The following RNLS variants were observed in gnomAD, a reference collection of about 807,000 sequenced individuals.
RNLS encodes the protein renalase, FAD dependent amine oxidase, also known as renalase.
Under a neutral mutation model 39.8 loss-of-function variants are expected in RNLS, and 39 were observed. That is an observed-to-expected ratio of 0.98 (90% CI 0.76 to 1.28). The LOEUF (loss-of-function observed/expected upper bound fraction) is 1.28, where lower values mean the gene tolerates loss of function less well. Among genes scored for constraint, RNLS ranks in the 50% most tolerant of loss-of-function variants. The pLI is 0.00. For synonymous variants in RNLS, 147 were observed against 150.7 expected (o/e 0.98, Z 0.18); for missense variants, 410 against 413.3 (o/e 0.99, Z 0.07).
chr10:88,454,121 G>C (rs1237002046), intron 4 of RNLS, among the ~76,000 whole-genome samples: 1 of 152,182 alleles, frequency 6.6e-6, no homozygotes, highest in East Asian at 1.9e-4. Flanking sequence ...ACACTTATGG[G>C]CTGAAAAGAG....
chr10:88,575,124 GTATATATATATATATATATATATATA>G (rs1174268534), intron 3 of RNLS, among the ~76,000 whole-genome samples: 3 of 98,902 alleles, frequency 3.0e-5, no homozygotes, highest in African/African-American at 1.2e-4. Context: ...GTTCTGCAAA[GTATATATATATATATATATATATATA>G]TATATATATA....
the RNLS span, among the ~76,000 whole-genome samples, chr10:88,181,451 T>C: frequency 2.6e-5 from 4 of 152,188 alleles, no homozygotes; most frequent in East Asian, 7.7e-4. Context: ...TTTAATATAA[T>C]ACATTTGTGC....
intron 5 of RNLS, among the ~76,000 whole-genome samples, chr10:88,315,680 AAG>A (rs1029532573): frequency 2.4e-4 from 36 of 152,104 alleles, no homozygotes; most frequent in African/African-American, 8.2e-4. Flanking sequence ...ACAGGAAAGA[AAG>A]AGTTGACATA....
chr10:88,329,639 A>G (rs1846935363), intron 5 of RNLS, among the ~76,000 whole-genome samples: 1 of 151,970 alleles, frequency 6.6e-6, no homozygotes, highest in Admixed American at 6.6e-5. Flanking sequence ...TTAGGGATAT[A>G]CTAGATATTC....
chr10:88,279,828 G>A (rs1381639210), downstream of RNLS, among the ~76,000 whole-genome samples: 2 of 152,128 alleles, frequency 1.3e-5, no homozygotes, highest in African/African-American at 4.8e-5. Context: ...CTACATTAGA[G>A]CAAACCACCT....
At chr10:88,488,276 G>A (rs1844664858) in intron 4 of RNLS, among the ~76,000 whole-genome samples, 1 of 152,110 alleles carries the variant, frequency 6.6e-6, no homozygotes, top group African/African-American at 2.4e-5. Flanking sequence ...GCTGGGCATG[G>A]TGGCTTACAC....
intron 4 of RNLS, among the ~76,000 whole-genome samples, chr10:88,541,376 A>T (rs989435891): frequency 1.3e-5 from 2 of 152,210 alleles, no homozygotes; most frequent in African/African-American, 4.8e-5. Context: ...TCACAATGAA[A>T]ACAGATACTT....
At chr10:88,241,934 C>T in the RNLS span, among the ~76,000 whole-genome samples, 6 of 152,222 alleles carry the variant, frequency 3.9e-5, no homozygotes, top group Admixed American at 2.6e-4. Flanking sequence ...TCTGTAATTA[C>T]TTCCTTCTCT....
Position 88,582,261 on chromosome 10 carries a change from T to C in RNLS, c.165A>G (p.Thr55=), listed in dbSNP as rs1850628795. The change falls in exon 2 of 7, where the codon ACA becomes ACG. Residue 55 remains threonine (T), a synonymous_variant. Transcript: ENST00000331772. The stretch of plus-strand genomic sequence containing the variant: ...TGATGTACTGAGCACCCAAGTCAGC[T>C]GTGCACTGAGGATTATGAGGACTGC... The part of the protein sequence containing the change: ...TACSPHNPQC[T]ADLGAQYITC... 5 of 1,614,148 alleles carry C rather than the reference T, an allele frequency of 3.1e-6. No individual in the cohort carries two copies. The highest frequency in any genetic ancestry group is 4.2e-6 in the Non-Finnish European group (5 of 1,180,002).
chr10:88,263,886 T>C, the RNLS span, among the ~76,000 whole-genome samples: 2 of 152,164 alleles, frequency 1.3e-5, no homozygotes, highest in African/African-American at 4.8e-5. Context: ...ATAAGCTCTA[T>C]AGTGGTGATT....
At chr10:88,475,542 A>G (rs1408721241) in intron 4 of RNLS, among the ~76,000 whole-genome samples, 3 of 152,184 alleles carry the variant, frequency 2.0e-5, no homozygotes, top group Non-Finnish European at 2.9e-5. Flanking sequence ...CAGCATTAAA[A>G]AACCTTTTCT....
At chr10:88,203,340 G>GTAC in the RNLS span, among the ~76,000 whole-genome samples, 1 of 6,616 alleles carries the variant, frequency 1.5e-4, no homozygotes, top group Non-Finnish European at 3.0e-4. Flanking sequence ...ATATATACAC[G>GTAC]TATGTGTATA....
rs972623891 is a variant in RNLS, at chr10:88,341,013, C to T, written c.700+21539G>A. On this transcript the variant is annotated intron_variant, in intron 5 of 6. Coordinates refer to ENST00000331772, the MANE Select transcript of RNLS (RefSeq NM_001031709.3). ...GGCAGAGGTTGCAGTGAGCCAAGAT[C>T]GTGCCACTGCACTCCAGCTGGGGTA... 2.0e-4 allele frequency among the ~76,000 whole-genome samples: 28 copies of T among 141,334 alleles called. No homozygotes were observed. The Admixed American group carries it at 2.0e-3, about 10-fold the overall frequency. 92.7% of individuals were successfully genotyped at this position (141,334 alleles called of 152,430 possible).
chr10:88,506,125 C>A (rs1564855743), intron 4 of RNLS, among the ~76,000 whole-genome samples: 1 of 151,992 alleles, frequency 6.6e-6, no homozygotes, highest in Non-Finnish European at 1.5e-5. Context: ...AACAGTGAGA[C>A]AAATCCAGAC....
intron 5 of RNLS, among the ~76,000 whole-genome samples, chr10:88,323,449 A>ATGTGTTT (rs1846330644): frequency 6.6e-6 from 1 of 152,186 alleles, no homozygotes; most frequent in Non-Finnish European, 1.5e-5. Context: ...AAATAAATCC[A>ATGTGTTT]TATACCTACA....
the RNLS span, among the ~76,000 whole-genome samples, chr10:88,208,066 G>A: frequency 3.9e-5 from 6 of 152,072 alleles, no homozygotes; most frequent in Non-Finnish European, 5.9e-5. Flanking sequence ...CACATCAAGC[G>A]ACTGAAATGT....
At chr10:88,230,396 G>A in the RNLS span, among the ~76,000 whole-genome samples, 5 of 152,072 alleles carry the variant, frequency 3.3e-5, no homozygotes, top group East Asian at 1.9e-4. Flanking sequence ...CTTCTCTCTC[G>A]TTGCCCTCAT....
At chr10:88,324,085 G>A (rs1211988008) in intron 5 of RNLS, among the ~76,000 whole-genome samples, 1 of 152,024 alleles carries the variant, frequency 6.6e-6, no homozygotes, top group African/African-American at 2.4e-5. Context: ...AAAAACAATA[G>A]ATGCTGGCAA....
chr10:88,564,694 A>G (rs1238902097), intron 4 of RNLS, among the ~76,000 whole-genome samples: 1 of 152,226 alleles, frequency 6.6e-6, no homozygotes, highest in African/African-American at 2.4e-5. Context: ...GGATTAAGTG[A>G]TATAATCTTT....
Sources: gnomAD v4.1 joint callset for allele counts (sites outside exome capture counted in the v4.1 genomes callset) on GRCh38, gnomAD v4.1.1 for gene constraint, MANE v1.5 for transcripts, NCBI Gene and HGNC (gene_info 2026-07-23, HGNC 2026-07-21) for gene names.